SHANK2: variants seen among roughly 807,000 people sequenced by gnomAD.
The protein encoded by SHANK2 is SH3 and multiple ankyrin repeat domains protein 2.
In SHANK2, 43 loss-of-function variants were observed where a neutral mutation model predicts 133.7. The observed-to-expected ratio is 0.32, with a 90% confidence interval of 0.25 to 0.41. The LOEUF is 0.41. Ranked by LOEUF, SHANK2 falls within the 10% of genes least tolerant of loss-of-function variation. The pLI is 1.00. For synonymous variants in SHANK2, 1,017 were observed against 952.8 expected (o/e 1.07, Z -1.24); for missense variants, 1,994 against 2,235.8 (o/e 0.89, Z 2.18).
chr11:71,241,449 C>G (rs1208665382), intron 1 of SHANK2, among the ~76,000 whole-genome samples: 2 of 152,174 alleles, frequency 1.3e-5, no homozygotes, highest in Non-Finnish European at 2.9e-5. Flanking sequence ...CAAACAAACA[C>G]GTACCTTCGC....
chr11:70,855,674 T>C (rs945562739), intron 11 of SHANK2, among the ~76,000 whole-genome samples: 5 of 152,158 alleles, frequency 3.3e-5, no homozygotes, highest in African/African-American at 4.8e-5. Flanking sequence ...CTGCCTTCCA[T>C]GGCACAGGGC....
intron 10 of SHANK2, among the ~76,000 whole-genome samples, chr11:70,903,784 A>G (rs1342425305): frequency 4.6e-5 from 7 of 152,182 alleles, no homozygotes; most frequent in African/African-American, 1.7e-4. Flanking sequence ...TTCTTAAGCC[A>G]TTGTCCAGCT....
At chr11:70,691,351 A>C (rs534279824) in intron 15 of SHANK2, among the ~76,000 whole-genome samples, 1 of 152,288 alleles carries the variant, frequency 6.6e-6, no homozygotes, top group East Asian at 1.9e-4. Context: ...GGGGACACTC[A>C]GGTCCCCCGT....
At chr11:70,865,476 G>A (rs1424648972) in intron 11 of SHANK2, among the ~76,000 whole-genome samples, 1 of 152,200 alleles carries the variant, frequency 6.6e-6, no homozygotes, top group Non-Finnish European at 1.5e-5. Context: ...AGGGCACGCG[G>A]GGGGTGTCTG....
intron 14 of SHANK2, among the ~76,000 whole-genome samples, chr11:70,794,663 T>C (rs782502805): frequency 6.6e-6 from 1 of 152,196 alleles, no homozygotes; most frequent in African/African-American, 2.4e-5. Context: ...GTTCAAGTGA[T>C]TCTTATGCCT....
chr11:70,940,786 T>C (rs1950636590), intron 10 of SHANK2, among the ~76,000 whole-genome samples: 1 of 152,154 alleles, frequency 6.6e-6, no homozygotes, highest in Non-Finnish European at 1.5e-5. Flanking sequence ...TTACAGCCTA[T>C]GTGGGGCATT....
chr11:71,111,458 C>G (rs1043641507), intron 5 of SHANK2, among the ~76,000 whole-genome samples: 1 of 152,208 alleles, frequency 6.6e-6, no homozygotes. Flanking sequence ...CTGCCAGCCT[C>G]GCTGTAAGAA....
chr11:70,818,135 C>T (rs1555054853), intron 12 of SHANK2, among the ~76,000 whole-genome samples: 1 of 152,114 alleles, frequency 6.6e-6, no homozygotes, highest in Admixed American at 6.5e-5. Context: ...ATGCAGGAGG[C>T]CAGGCAATGA....
intron 14 of SHANK2, among the ~76,000 whole-genome samples, chr11:70,720,964 C>T (rs1946063795): frequency 6.6e-6 from 1 of 152,242 alleles, no homozygotes; most frequent in South Asian, 2.1e-4. Flanking sequence ...AAAATAATCT[C>T]AAGGCTTTCT....
intron 17 of SHANK2, chr11:70,570,483 C>T (rs2060032099): frequency 6.6e-6 from 1 of 152,278 alleles, no homozygotes; most frequent in South Asian, 2.1e-4. Flanking sequence ...GCCAGGCTCC[C>T]CAGGGAGGCC....
chr11:70,616,467 A>G (rs2060743369), intron 17 of SHANK2, among the ~76,000 whole-genome samples: 1 of 152,104 alleles, frequency 6.6e-6, no homozygotes, highest in Admixed American at 6.5e-5. Context: ...GGACCGCCCG[A>G]GGAGGGCGCT....
chr11:70,467,887 CTG>C lies in SHANK2; in HGVS notation c.*4980_*4981del, dbSNP rs771825622. ...TACTTTTTATTTTTAACTTAAACGA[CTG>C]TGTATTTTCCACAGTCTTATGATGA... On this transcript the variant is annotated 3_prime_UTR_variant, in exon 26 of 26. Transcript: ENST00000601538. 5 of 152,642 alleles carry C rather than the reference CTG, an allele frequency of 3.3e-5. No individual in the cohort carries two copies. Among genetic ancestry groups the C allele is most frequent in the Admixed American group, 2.6e-4 (4 of 15,284 alleles). 9.5% of individuals were successfully genotyped at this position (152,642 alleles called of 1,614,324 possible). A position where few individuals can be genotyped will look rare whatever the true frequency, so the allele number is the denominator to read the frequency against.
chr11:71,115,756 C>G (rs1590927526), intron 4 of SHANK2, among the ~76,000 whole-genome samples: 1 of 152,166 alleles, frequency 6.6e-6, no homozygotes. Context: ...CCCAAATTCT[C>G]TGGTCTTCTC....
chr11:70,523,850 C>T (rs1378876437), intron 17 of SHANK2, among the ~76,000 whole-genome samples: 1 of 152,128 alleles, frequency 6.6e-6, no homozygotes, highest in Non-Finnish European at 1.5e-5. Context: ...GGGGTAGCTT[C>T]CTCTGACAGC....
rs56134555 is a variant in SHANK2 at position 70,562,055 on chromosome 11, G to A, written c.2062-59124C>T. Among the ~76,000 whole-genome samples the A allele has an allele frequency of 6.0e-3, 909 of 152,134 alleles. 4 individuals carry two copies. The highest frequency in any genetic ancestry group is 9.3e-3 in the Non-Finnish European group (632 of 68,010). ...CCCATTTGATTTCTACTTTGATCCC[G>A]GTGTTATTTAAAATAATACTATTTA... On this transcript the variant is annotated intron_variant, in intron 17 of 25. Coordinates refer to ENST00000601538, the MANE Select transcript of SHANK2 (RefSeq NM_012309.5).
chr11:71,150,821 A>G (rs151100420), intron 2 of SHANK2, among the ~76,000 whole-genome samples: 144 of 152,158 alleles, frequency 9.5e-4, no homozygotes, highest in African/African-American at 3.3e-3. Context: ...GACACTTCAC[A>G]AGGCACAGAT....
chr11:70,533,679 T>C, intron 17 of SHANK2, among the ~76,000 whole-genome samples: 1 of 152,152 alleles, frequency 6.6e-6, no homozygotes, highest in East Asian at 1.9e-4. Context: ...TTCACACTTT[T>C]AAAGTGTGCG....
chr11:70,506,904 C>G (rs1291527576), intron 17 of SHANK2, among the ~76,000 whole-genome samples: 6 of 152,324 alleles, frequency 3.9e-5, no homozygotes, highest in African/African-American at 1.2e-4. Context: ...CCAACAGGGC[C>G]TCAAACCATC....
chr11:70,488,958 A>G (rs1250804628), intron 24 of SHANK2: 4 of 290,636 alleles, frequency 1.4e-5, no homozygotes, highest in Non-Finnish European at 2.6e-5. Flanking sequence ...CACTTGGAGA[A>G]GGGAAGCGAG....
Sources: gnomAD v4.1 joint callset for allele counts (sites outside exome capture counted in the v4.1 genomes callset) on GRCh38, gnomAD v4.1.1 for gene constraint, MANE v1.5 for transcripts, NCBI Gene and HGNC (gene_info 2026-07-23, HGNC 2026-07-21) for gene names.